Variants in SHROOM3 observed in about 807,000 individuals in gnomAD.
SHROOM3 encodes shroom family member 3, also known as protein Shroom3.
SHROOM3 carries 47 observed loss-of-function variants against 138.6 expected under a neutral mutation model. That is an observed-to-expected ratio of 0.34 (90% CI 0.27 to 0.43). The LOEUF is 0.43. Among genes scored for constraint, SHROOM3 ranks in the 20% least tolerant of loss-of-function variants. SHROOM3 has a pLI of 1.00. For missense variants in SHROOM3, 2,491 were observed against 2,596.5 expected, an observed-to-expected ratio of 0.96 and a Z score of 0.88; for synonymous variants, 1,062 against 1,063.3, an observed-to-expected ratio of 1.00 and a Z score of 0.02.
intron 1 of SHROOM3, among the ~76,000 whole-genome samples, chr4:76,439,728 A>G (rs1033549464): frequency 3.9e-5 from 6 of 152,266 alleles, no homozygotes; most frequent in African/African-American, 9.6e-5. Context: ...TATACAAGGC[A>G]GCTATAAACT....
At chr4:76,619,864 C>A (rs10005604) in intron 2 of SHROOM3, among the ~76,000 whole-genome samples, 30,614 of 151,824 alleles carry the variant, frequency 0.2, 3,907 homozygotes, top group African/African-American at 0.35. Flanking sequence ...GAGTTCGAGA[C>A]CAGCCTGGCC....
intron 2 of SHROOM3, among the ~76,000 whole-genome samples, chr4:76,583,903 A>G (rs1271148554): frequency 1.3e-5 from 2 of 152,372 alleles, no homozygotes; most frequent in African/African-American, 4.8e-5. Flanking sequence ...TCAATCTAGT[A>G]TTACTAAAAG....
chr4:76,728,670 T>G (rs532436987), intron 3 of SHROOM3, among the ~76,000 whole-genome samples: 40 of 152,374 alleles, frequency 2.6e-4, no homozygotes, highest in African/African-American at 9.4e-4. Context: ...TAGCCCAAGC[T>G]GTGCACCTGC....
At chr4:76,747,474 T>G (rs1424432749) in intron 5 of SHROOM3, among the ~76,000 whole-genome samples, 2 of 152,230 alleles carry the variant, frequency 1.3e-5, no homozygotes, top group African/African-American at 4.8e-5. Flanking sequence ...TCTAATTCCT[T>G]TATTTTATCC....
chr4:76,689,243 C>G (rs1485756459), intron 2 of SHROOM3, among the ~76,000 whole-genome samples: 1 of 151,622 alleles, frequency 6.6e-6, no homozygotes, highest in Non-Finnish European at 1.5e-5. Context: ...CGCTTCCACC[C>G]CAGAATCCGT....
At chr4:76,630,437 C>A (rs993585873) in intron 2 of SHROOM3, among the ~76,000 whole-genome samples, 2 of 152,182 alleles carry the variant, frequency 1.3e-5, no homozygotes, top group Non-Finnish European at 2.9e-5. Flanking sequence ...GTAGAGCTCT[C>A]TTATGCATTA....
At chr4:76,656,768 G>GAA (rs75235534) in intron 2 of SHROOM3, among the ~76,000 whole-genome samples, 2 of 152,304 alleles carry the variant, frequency 1.3e-5, no homozygotes, top group East Asian at 3.8e-4. Context: ...CTGCATAATG[G>GAA]AAACATTACT....
intron 7 of SHROOM3, among the ~76,000 whole-genome samples, chr4:76,755,817 G>C (rs1453051895): frequency 1.3e-5 from 2 of 152,162 alleles, no homozygotes; most frequent in Non-Finnish European, 1.5e-5. Flanking sequence ...GTAATGTTTA[G>C]GGAAAACCTC....
rs750872329 is a variant in SHROOM3, at chr4:76,739,973, C to G, written c.1800C>G (p.Pro600=). The G allele has an allele frequency of 3.7e-6, 6 of 1,614,128 alleles. No individual in the cohort carries two copies. The highest frequency in any genetic ancestry group is 1.1e-5 in the South Asian group (1 of 91,090). The change falls in exon 5 of 11, where the codon CCC becomes CCG. Residue 600 remains proline, a synonymous_variant. Coordinates refer to ENST00000296043, the MANE Select transcript of SHROOM3 (RefSeq NM_020859.4). ...STHSNKPSSH[P]HSLKCPQAQA... ...ACAGTAACAAACCATCTTCTCATCC[C>G]CACAGCCTCAAATGCCCTCAGGCTC... is the stretch of plus-strand genomic sequence containing the variant.
At chr4:76,686,188 A>AT (rs1344464821) in intron 2 of SHROOM3, among the ~76,000 whole-genome samples, 3 of 151,798 alleles carry the variant, frequency 2.0e-5, no homozygotes, top group Non-Finnish European at 4.4e-5. Flanking sequence ...TAATTTTTTT[A>AT]TTTTTATTTT....
At chr4:76,728,040 C>T (rs964738141) in intron 3 of SHROOM3, among the ~76,000 whole-genome samples, 10 of 152,008 alleles carry the variant, frequency 6.6e-5, no homozygotes, top group South Asian at 6.2e-4. Context: ...GTCATGGTGG[C>T]GTGTGCCTGT....
chr4:76,706,429 T>A (rs2110115568), intron 2 of SHROOM3, among the ~76,000 whole-genome samples: 1 of 152,292 alleles, frequency 6.6e-6, no homozygotes, highest in Middle Eastern at 3.4e-3. Flanking sequence ...AATGTTATTA[T>A]GCTAAGAAAA....
chr4:76,705,927 A>C (rs1720034256), intron 2 of SHROOM3, among the ~76,000 whole-genome samples: 2 of 152,112 alleles, frequency 1.3e-5, no homozygotes, highest in Non-Finnish European at 2.9e-5. Flanking sequence ...ACACAGGGGG[A>C]TTGGGGATGC....
rs1721219772 is a variant in SHROOM3 at position 76,740,666 on chromosome 4, C to T, written c.2493C>T (p.His831=). 6 of 1,614,184 alleles carry T rather than the reference C, an allele frequency of 3.7e-6. No homozygotes were observed. The East Asian group carries it at 1.3e-4, about 36-fold the overall frequency. Residue 831 remains histidine (H), a synonymous_variant, in exon 5 of 11, where the codon CAC becomes CAT. Transcript: ENST00000296043. The surrounding 1 kb of genome is among the most constrained non-coding windows in gnomAD (Gnocchi z 4.0). ...SGNDFEETKA[H]IRFSESAEPL... is the part of the protein sequence containing the mutation. The stretch of plus-strand genomic sequence containing the variant: ...ATGACTTCGAGGAGACAAAAGCACA[C>T]ATTCGTTTCTCTGAGTCAGCTGAAC...
chr4:76,757,570 G>C (rs1451983786), intron 8 of SHROOM3, among the ~76,000 whole-genome samples: 2 of 152,200 alleles, frequency 1.3e-5, no homozygotes, highest in African/African-American at 4.8e-5. Context: ...TAGAGAAATA[G>C]ATTCGTGTAC....
intron 2 of SHROOM3, among the ~76,000 whole-genome samples, chr4:76,690,722 A>G (rs1719503964): frequency 6.6e-6 from 1 of 152,152 alleles, no homozygotes; most frequent in African/African-American, 2.4e-5. Context: ...AAAATATTAC[A>G]CAATCGTTGC....
intron 1 of SHROOM3, among the ~76,000 whole-genome samples, chr4:76,487,854 GCT>G (rs1377926064): frequency 6.6e-6 from 1 of 152,170 alleles, no homozygotes; most frequent in African/African-American, 2.4e-5. Context: ...TAGGGCTCTT[GCT>G]CTCTTAGTTG....
chr4:76,493,949 A>G (rs1236854803), intron 1 of SHROOM3, among the ~76,000 whole-genome samples: 2 of 152,238 alleles, frequency 1.3e-5, no homozygotes. Context: ...ACTGCACTCC[A>G]GCTTGGGCAA....
chr4:76,492,152 CCT>C (rs1161026282), intron 1 of SHROOM3, among the ~76,000 whole-genome samples: 2 of 152,166 alleles, frequency 1.3e-5, no homozygotes. Flanking sequence ...TCCCATAGCC[CCT>C]AGATACAAAC....
Sources: allele counts gnomAD v4.1 joint callset (sites outside exome capture counted in the v4.1 genomes callset), GRCh38; gene constraint gnomAD v4.1.1; non-coding constraint Gnocchi (gnomAD v3.1); transcripts MANE v1.5; gene names NCBI Gene and HGNC (gene_info 2026-07-23, HGNC 2026-07-21).